Variants in ADGRL3 observed in about 807,000 individuals in gnomAD.
ADGRL3 encodes adhesion G protein-coupled receptor L3.
In ADGRL3, 62 loss-of-function variants were observed where a neutral mutation model predicts 153.5. The ratio of observed to expected loss-of-function variants is 0.40; its 90% confidence interval spans 0.33 to 0.50. The LOEUF (loss-of-function observed/expected upper bound fraction) is 0.50. ADGRL3 is among the 20% of genes least tolerant of loss of function. ADGRL3 has a pLI of 0.47. For missense variants in ADGRL3, 1,641 were observed against 1,859.4 expected (o/e 0.88, Z 2.16); for synonymous variants, 710 against 672.5 (o/e 1.06, Z -0.86).
rs1362764332 is a variant in ADGRL3, at chr4:61,587,418, G to A, written c.451G>A (p.Ala151Thr). ...MENIRCYLPD[A>T]YKIMSQRCNN... ...GAATATCCGATGTTATCTGCCAGAT[G>A]CCTATAAGATTATGTCTCAAAGGTA... is the stretch of plus-strand genomic sequence containing the variant. The change falls in exon 5 of 27, where the codon GCC becomes ACC. Residue 151 changes from alanine to threonine, a missense_variant. Transcript: ENST00000683033. 1 of 1,611,902 alleles carries A rather than the reference G, an allele frequency of 6.2e-7. No individual in the cohort carries two copies.
intron 21 of ADGRL3, among the ~76,000 whole-genome samples, chr4:62,019,685 T>G (rs2099229083): frequency 6.6e-6 from 1 of 152,138 alleles, no homozygotes; most frequent in Admixed American, 6.6e-5. Flanking sequence ...ATTAATCAGG[T>G]CTGCTCACTG....
chr4:61,653,151 G>T (rs62304030), intron 5 of ADGRL3, among the ~76,000 whole-genome samples: 2 of 134,098 alleles, frequency 1.5e-5, no homozygotes, highest in Admixed American at 7.7e-5. Flanking sequence ...CTCTCTCTCT[G>T]TCTCTCTCTC....
chr4:61,957,250 A>T (rs1472648450), intron 17 of ADGRL3, among the ~76,000 whole-genome samples: 4 of 152,114 alleles, frequency 2.6e-5, no homozygotes, highest in African/African-American at 9.7e-5. Flanking sequence ...GACATCCTTC[A>T]CATCCCTTGT....
intron 13 of ADGRL3, among the ~76,000 whole-genome samples, chr4:61,916,465 G>A (rs921339340): frequency 2.0e-5 from 3 of 151,464 alleles, no homozygotes; most frequent in South Asian, 4.2e-4. Context: ...TGAAAACCAT[G>A]TCTCTTAAAA....
intron 17 of ADGRL3, among the ~76,000 whole-genome samples, chr4:61,960,158 C>T (rs17292121): frequency 1.3e-5 from 2 of 152,038 alleles, no homozygotes; most frequent in Admixed American, 6.6e-5. Flanking sequence ...TCACTGAACA[C>T]TCTTGTCATA....
intron 1 of ADGRL3, among the ~76,000 whole-genome samples, chr4:61,321,185 C>A (rs2095347984): frequency 6.6e-6 from 1 of 152,130 alleles, no homozygotes; most frequent in Admixed American, 6.6e-5. Context: ...AAGCTCTGAG[C>A]TTTAGGGCAT....
At chr4:61,814,936 G>A (rs1022084280) in intron 9 of ADGRL3, among the ~76,000 whole-genome samples, 10 of 151,964 alleles carry the variant, frequency 6.6e-5, no homozygotes, top group African/African-American at 2.4e-4. Context: ...TCCCTTATCT[G>A]TATGCTCTGT....
intron 9 of ADGRL3, among the ~76,000 whole-genome samples, chr4:61,884,349 T>TA (rs2098525130): frequency 6.6e-6 from 1 of 152,182 alleles, no homozygotes; most frequent in Non-Finnish European, 1.5e-5. Flanking sequence ...GTGCCTCAGT[T>TA]ATGCATGTAG....
At chr4:61,522,088 C>T (rs1413744952) in intron 4 of ADGRL3, among the ~76,000 whole-genome samples, 1 of 152,108 alleles carries the variant, frequency 6.6e-6, no homozygotes, top group African/African-American at 2.4e-5. Flanking sequence ...TAATACCTAG[C>T]AGGGATATAG....
intron 8 of ADGRL3, among the ~76,000 whole-genome samples, chr4:61,754,171 A>G (rs758049686): frequency 2.8e-4 from 43 of 152,310 alleles, no homozygotes; most frequent in Admixed American, 4.6e-4. Context: ...GATTCTATAC[A>G]TATTATTTTC....
intron 4 of ADGRL3, among the ~76,000 whole-genome samples, chr4:61,553,932 A>G (rs914805695): frequency 6.6e-6 from 1 of 152,262 alleles, no homozygotes; most frequent in Admixed American, 6.5e-5. Context: ...CAGAATTTAC[A>G]TATCAGTGGT....
At chr4:61,618,632 G>A (rs1232367587) in intron 5 of ADGRL3, among the ~76,000 whole-genome samples, 3 of 152,284 alleles carry the variant, frequency 2.0e-5, no homozygotes, top group African/African-American at 7.2e-5. Context: ...AACAGTCATG[G>A]TGGTCTCGAG....
At chr4:61,919,926 T>C (rs1342747155) in intron 13 of ADGRL3, among the ~76,000 whole-genome samples, 2 of 152,198 alleles carry the variant, frequency 1.3e-5, no homozygotes, top group Admixed American at 6.6e-5. Context: ...TGTGAATGCC[T>C]CAGAAAGTAA....
intron 4 of ADGRL3, among the ~76,000 whole-genome samples, chr4:61,537,171 ATT>A (rs35245648): frequency 6.8e-6 from 1 of 146,566 alleles, no homozygotes. Flanking sequence ...CTTGCCTTGC[ATT>A]TTTTTTTTTT....
At chr4:61,493,707 C>A (rs143473541) in intron 2 of ADGRL3, among the ~76,000 whole-genome samples, 1 of 152,280 alleles carries the variant, frequency 6.6e-6, no homozygotes, top group Non-Finnish European at 1.5e-5. Context: ...CATGCTGTTC[C>A]GGGTTCTCCA....
At chr4:61,756,972 A>T (rs1427965042) in intron 8 of ADGRL3, among the ~76,000 whole-genome samples, 1 of 152,208 alleles carries the variant, frequency 6.6e-6, no homozygotes, top group Non-Finnish European at 1.5e-5. Flanking sequence ...GATGAAGCCC[A>T]CTTGATCATG....
chr4:61,661,664 A>G (rs533329916), intron 5 of ADGRL3, among the ~76,000 whole-genome samples: 11 of 152,234 alleles, frequency 7.2e-5, no homozygotes, highest in Admixed American at 2.6e-4. Flanking sequence ...TTATTTCTGA[A>G]GTTCAAGACA....
At chr4:61,850,182 T>G (rs1357003138) in intron 9 of ADGRL3, among the ~76,000 whole-genome samples, 1 of 152,180 alleles carries the variant, frequency 6.6e-6, no homozygotes, top group African/African-American at 2.4e-5. Flanking sequence ...CATGGGTATA[T>G]GCATTGTGCT....
intron 5 of ADGRL3, among the ~76,000 whole-genome samples, chr4:61,669,533 T>A (rs182880306): frequency 1.5e-3 from 234 of 152,306 alleles, no homozygotes; most frequent in Non-Finnish European, 2.9e-3. Flanking sequence ...ATTTTAAACA[T>A]TAATATTATA....
Sources: gnomAD v4.1 joint callset for allele counts (sites outside exome capture counted in the v4.1 genomes callset) on GRCh38, gnomAD v4.1.1 for gene constraint, MANE v1.5 for transcripts, NCBI Gene and HGNC (gene_info 2026-07-23, HGNC 2026-07-21) for gene names.